CALN1: variants seen among roughly 807,000 people sequenced by gnomAD.
The protein encoded by CALN1 is calcium-binding protein 8.
Under a neutral mutation model 30.6 loss-of-function variants are expected in CALN1, and 17 were observed. That is an observed-to-expected ratio of 0.56 (90% CI 0.38 to 0.83). The LOEUF is 0.83. Ranked by LOEUF, CALN1 falls within the 40% of genes least tolerant of loss-of-function variation. The probability of loss-of-function intolerance (pLI) is 0.00; values close to 1 mark genes in which losing one functional copy is unlikely to be tolerated. For missense variants in CALN1, 291 were observed against 354.9 expected (o/e 0.82, Z 1.45); for synonymous variants, 156 against 131.4 (o/e 1.19, Z -1.28).
At chr7:72,213,476 T>C (rs369564329) in intron 3 of CALN1, among the ~76,000 whole-genome samples, 7 of 152,030 alleles carry the variant, frequency 4.6e-5, no homozygotes, top group African/African-American at 1.4e-4. Context: ...GGCTTGAGGA[T>C]GTGTTTTTGG....
chr7:72,225,671 G>A (rs1298895827), intron 3 of CALN1, among the ~76,000 whole-genome samples: 4 of 152,060 alleles, frequency 2.6e-5, no homozygotes, highest in African/African-American at 7.2e-5. Flanking sequence ...AAAATGTCAC[G>A]CCATCTTGTG....
At chr7:72,088,041 G>A (rs902135863) in intron 4 of CALN1, among the ~76,000 whole-genome samples, 7 of 152,064 alleles carry the variant, frequency 4.6e-5, no homozygotes, top group East Asian at 1.9e-4. Flanking sequence ...GGTTGCACGC[G>A]TCTGTAGTCC....
At chr7:72,325,936 C>A (rs371093512) in intron 2 of CALN1, among the ~76,000 whole-genome samples, 3 of 152,280 alleles carry the variant, frequency 2.0e-5, no homozygotes, top group East Asian at 3.9e-4. Flanking sequence ...GGGTCTTGTT[C>A]TGTCACCCAG....
chr7:72,211,866 G>A (rs373869439), intron 3 of CALN1, among the ~76,000 whole-genome samples: 1 of 152,106 alleles, frequency 6.6e-6, no homozygotes, highest in Non-Finnish European at 1.5e-5. Context: ...TGATAGTGTT[G>A]TGCAGAGAAT....
At chr7:72,291,176 G>A (rs1409671978) in intron 2 of CALN1, among the ~76,000 whole-genome samples, 1 of 152,140 alleles carries the variant, frequency 6.6e-6, no homozygotes, top group Non-Finnish European at 1.5e-5. Context: ...GCCCACCTTA[G>A]CATCCCAAAG....
intron 3 of CALN1, among the ~76,000 whole-genome samples, chr7:72,149,029 C>G (rs1215412662): frequency 1.3e-5 from 2 of 152,116 alleles, no homozygotes; most frequent in African/African-American, 4.8e-5. Flanking sequence ...ATCTCCTGCT[C>G]TTTCTCTTGT....
At chr7:71,873,269 A>G (rs1270844735) in intron 5 of CALN1, among the ~76,000 whole-genome samples, 1 of 152,006 alleles carries the variant, frequency 6.6e-6, no homozygotes, top group East Asian at 1.9e-4. Flanking sequence ...CAGGCTCCCA[A>G]AGTGCTGGGA....
At chr7:72,195,020 C>T (rs1417930752) in intron 3 of CALN1, among the ~76,000 whole-genome samples, 2 of 152,182 alleles carry the variant, frequency 1.3e-5, no homozygotes, top group African/African-American at 4.8e-5. Flanking sequence ...TTGTCTCCAG[C>T]TGTATTCCTT....
At chr7:72,198,590 C>T (rs1791200589) in intron 3 of CALN1, among the ~76,000 whole-genome samples, 1 of 152,098 alleles carries the variant, frequency 6.6e-6, no homozygotes, top group South Asian at 2.1e-4. Flanking sequence ...ATAACCACCC[C>T]CCACCCTTTA....
intron 5 of CALN1, among the ~76,000 whole-genome samples, chr7:71,873,065 G>A (rs1439802363): frequency 2.7e-5 from 4 of 145,952 alleles, no homozygotes; most frequent in East Asian, 2.0e-4. Context: ...GTGCAGTGGC[G>A]CGATCTTGGC....
intron 5 of CALN1, among the ~76,000 whole-genome samples, chr7:71,959,995 G>T (rs548614117): frequency 6.6e-6 from 1 of 151,750 alleles, no homozygotes; most frequent in Non-Finnish European, 1.5e-5. Flanking sequence ...TTAGCTGGGC[G>T]TGGTGGCGGG....
At chr7:72,056,332 T>C (rs188113845) in intron 4 of CALN1, among the ~76,000 whole-genome samples, 1 of 151,490 alleles carries the variant, frequency 6.6e-6, no homozygotes, top group Admixed American at 6.6e-5. Flanking sequence ...AAAACCACAA[T>C]AAAAAAGTAC....
intron 3 of CALN1, among the ~76,000 whole-genome samples, chr7:72,140,539 T>C (rs1809850927): frequency 6.6e-6 from 1 of 152,168 alleles, no homozygotes; most frequent in Non-Finnish European, 1.5e-5. Flanking sequence ...CTCTCCCTCC[T>C]ATCAAAGGAA....
At chr7:71,808,370 A>C (rs1225918996) in intron 6 of CALN1, among the ~76,000 whole-genome samples, 1 of 151,522 alleles carries the variant, frequency 6.6e-6, no homozygotes, top group Non-Finnish European at 1.5e-5. Flanking sequence ...ATTATTAATA[A>C]ACATTAATAA....
chr7:72,171,113 G>A (rs1311622147), intron 3 of CALN1, among the ~76,000 whole-genome samples: 2 of 152,046 alleles, frequency 1.3e-5, no homozygotes, highest in Admixed American at 6.6e-5. Flanking sequence ...GAGCCAGACT[G>A]CACCACTGCA....
At chr7:72,058,129 A>G (rs1803386416) in intron 4 of CALN1, among the ~76,000 whole-genome samples, 1 of 152,086 alleles carries the variant, frequency 6.6e-6, no homozygotes. Flanking sequence ...TACCACATAT[A>G]TTAAATAATC....
At chr7:72,451,286 G>A (rs989172119), upstream of CALN1, among the ~76,000 whole-genome samples, 3 of 143,212 alleles carry the variant, frequency 2.1e-5, no homozygotes, top group Non-Finnish European at 3.1e-5. Flanking sequence ...AAGAAGGGGC[G>A]AAGGGAAGAG....
intron 5 of CALN1, among the ~76,000 whole-genome samples, chr7:71,874,273 A>C (rs2046532594): frequency 7.4e-6 from 1 of 134,942 alleles, no homozygotes; most frequent in South Asian, 2.3e-4. Flanking sequence ...ACTCTGTCTC[A>C]AACATTAAAA....
At chr7:72,070,665 A>T (rs1181194780) in intron 4 of CALN1, among the ~76,000 whole-genome samples, 2 of 152,238 alleles carry the variant, frequency 1.3e-5, no homozygotes, top group Non-Finnish European at 2.9e-5. Flanking sequence ...CATTCAAGGC[A>T]AAAGGGACCA....
Sources: allele counts gnomAD v4.1 joint callset (sites outside exome capture counted in the v4.1 genomes callset), GRCh38; gene constraint gnomAD v4.1.1; transcripts MANE v1.5; gene names NCBI Gene and HGNC (gene_info 2026-07-23, HGNC 2026-07-21).